The following SLC7A1 variants were observed in gnomAD, a reference collection of about 807,000 sequenced individuals.
The protein encoded by SLC7A1 is solute carrier family 7 member 1, also known as high affinity cationic amino acid transporter 1.
Under a neutral mutation model 53.9 loss-of-function variants are expected in SLC7A1, and 10 were observed. The ratio of observed to expected loss-of-function variants is 0.19; its 90% CI spans 0.11 to 0.31. The LOEUF is 0.31. Among genes scored for constraint, SLC7A1 ranks in the 10% least tolerant of loss-of-function variants. The pLI is 1.00. For synonymous variants in SLC7A1, 342 were observed against 338.7 expected (o/e 1.01, Z -0.11); for missense variants, 525 against 827.2 (o/e 0.63, Z 4.48).
At chr13:29,563,133 T>TG (rs1394669917) in intron 1 of SLC7A1, among the ~76,000 whole-genome samples, 1 of 152,136 alleles carries the variant, frequency 6.6e-6, no homozygotes, top group Non-Finnish European at 1.5e-5. Context: ...GGCTCTCAAC[T>TG]GGGGGTGACT....
intron 1 of SLC7A1, among the ~76,000 whole-genome samples, chr13:29,579,955 A>T (rs1303204680): frequency 6.6e-6 from 1 of 152,088 alleles, no homozygotes; most frequent in Non-Finnish European, 1.5e-5. Flanking sequence ...TTCCTACTAG[A>T]TCTGATCGTG....
chr13:29,572,331 C>T (rs1254817512), intron 1 of SLC7A1, among the ~76,000 whole-genome samples: 4 of 152,212 alleles, frequency 2.6e-5, no homozygotes, highest in Admixed American at 6.5e-5. Context: ...TTCTACTCCA[C>T]GCACACGCTG....
At chr13:29,544,718 C>G (rs1220972619) in intron 2 of SLC7A1, among the ~76,000 whole-genome samples, 1 of 152,150 alleles carries the variant, frequency 6.6e-6, no homozygotes, top group African/African-American at 2.4e-5. Flanking sequence ...GCCTCCAAAG[C>G]CTTGAACTGC....
chr13:29,535,517 G>A (rs574829504), intron 3 of SLC7A1, among the ~76,000 whole-genome samples: 3 of 152,280 alleles, frequency 2.0e-5, no homozygotes, highest in South Asian at 2.1e-4. Flanking sequence ...TTTATTAAAA[G>A]AATGAATGAA....
intron 1 of SLC7A1, among the ~76,000 whole-genome samples, chr13:29,585,225 A>G (rs561218081): frequency 6.6e-6 from 1 of 152,274 alleles, no homozygotes; most frequent in East Asian, 1.9e-4. Flanking sequence ...TTGACTCTTC[A>G]ACTTTCTTTG....
At chr13:29,580,780 T>C (rs891432606) in intron 1 of SLC7A1, among the ~76,000 whole-genome samples, 2 of 152,210 alleles carry the variant, frequency 1.3e-5, no homozygotes, top group Non-Finnish European at 2.9e-5. Flanking sequence ...AAAGCTACCC[T>C]CTACATTCCT....
At chr13:29,549,231 G>C (rs780038651) in intron 2 of SLC7A1, among the ~76,000 whole-genome samples, 1 of 152,128 alleles carries the variant, frequency 6.6e-6, no homozygotes, top group South Asian at 2.1e-4. Flanking sequence ...CCAATTGCCC[G>C]CATGCTCACC....
At chr13:29,516,741 G>A (rs1420217871) in intron 11 of SLC7A1, 1 of 178,520 alleles carries the variant, frequency 5.6e-6, no homozygotes, top group Non-Finnish European at 1.2e-5. Flanking sequence ...ATAAACTTAG[G>A]GGCAAGTGGC....
chr13:29,521,152 A>G (rs555212677), intron 8 of SLC7A1, among the ~76,000 whole-genome samples: 2 of 152,358 alleles, frequency 1.3e-5, no homozygotes, highest in Admixed American at 1.3e-4. Flanking sequence ...CAATCTGACC[A>G]CTGTGGTCAC....
intron 1 of SLC7A1, among the ~76,000 whole-genome samples, chr13:29,560,583 T>G (rs1870711624): frequency 6.6e-6 from 1 of 152,090 alleles, no homozygotes; most frequent in South Asian, 2.1e-4. Context: ...GATTATGTAC[T>G]GTACCTAATT....
intron 1 of SLC7A1, among the ~76,000 whole-genome samples, chr13:29,578,046 T>C (rs1457203877): frequency 1.3e-5 from 2 of 152,160 alleles, no homozygotes; most frequent in Admixed American, 1.3e-4. Flanking sequence ...AGCTGGTCAC[T>C]AAGTCCGTGG....
chr13:29,517,024 G>A, intron 11 of SLC7A1, 120 bp downstream of exon 11: 1 of 898,674 alleles, frequency 1.1e-6, no homozygotes, highest in Non-Finnish European at 1.6e-6. Context: ...ACCTGAAGCT[G>A]GCTAGCAAAA....
intron 1 of SLC7A1, among the ~76,000 whole-genome samples, chr13:29,594,779 G>T (rs1457533204): frequency 6.6e-6 from 1 of 152,202 alleles, no homozygotes; most frequent in Non-Finnish European, 1.5e-5. Context: ...AGGTGCAGGC[G>T]GCGCGTCCCG....
intron 1 of SLC7A1, among the ~76,000 whole-genome samples, chr13:29,588,916 C>G (rs923174613): frequency 6.6e-5 from 10 of 152,310 alleles, no homozygotes; most frequent in African/African-American, 2.4e-4. Context: ...CTCTAACTGC[C>G]AGTCTTTCCC....
intron 12 of SLC7A1, 88 bp downstream of exon 12, chr13:29,516,050 T>G: frequency 1.4e-6 from 1 of 735,542 alleles, no homozygotes; most frequent in Admixed American, 2.3e-5. Flanking sequence ...GCTGACTGGA[T>G]GTGCGTCATT....
intron 6 of SLC7A1, among the ~76,000 whole-genome samples, chr13:29,523,807 G>A (rs1219030330): frequency 2.0e-5 from 3 of 152,208 alleles, no homozygotes; most frequent in Non-Finnish European, 2.9e-5. Flanking sequence ...TATTCAGTCC[G>A]CCAGGATGAC....
chr13:29,517,693 A>T lies in SLC7A1; in HGVS notation c.1390T>A (p.Ser464Thr). 6.2e-7 allele frequency: 1 copy of T among 1,614,224 alleles called. No individual in the cohort carries two copies. Among genetic ancestry groups the T allele is most frequent in the Non-Finnish European group, 8.5e-7 (1 of 1,180,032 alleles). ...GCCTCTGGTAAAAAGCCCAGCTGGGAATCATTGGTGCTTGCCAATTCATTT... is the reference window on the plus strand; with the variant it reads ...GCCTCTGGTAAAAAGCCCAGCTGGGTATCATTGGTGCTTGCCAATTCATTT... Reference protein sequence around the residue: ...DQNELASTNDSQLGFLPEAEM... With the variant: ...DQNELASTNDTQLGFLPEAEM... The change falls in exon 10 of 13, where the codon TCC becomes ACC. Residue 464 changes from serine to threonine, a missense_variant. Transcript: ENST00000380752.
intron 2 of SLC7A1, among the ~76,000 whole-genome samples, chr13:29,545,846 T>C (rs374374629): frequency 6.6e-5 from 10 of 152,314 alleles, no homozygotes; most frequent in African/African-American, 2.4e-4. Context: ...GTGGAAAAGC[T>C]ATCAAGGACA....
intron 4 of SLC7A1, among the ~76,000 whole-genome samples, chr13:29,531,561 A>G (rs1021709374): frequency 6.6e-6 from 1 of 152,220 alleles, no homozygotes; most frequent in African/African-American, 2.4e-5. Flanking sequence ...AAAATTGGCT[A>G]GGTGCGGTCG....
Sources: allele counts gnomAD v4.1 joint callset (sites outside exome capture counted in the v4.1 genomes callset), GRCh38; gene constraint gnomAD v4.1.1; transcripts MANE v1.5; gene names NCBI Gene and HGNC (gene_info 2026-07-23, HGNC 2026-07-21).